Variants in ZNF277 observed in about 807,000 individuals in gnomAD.
The protein encoded by ZNF277 is zinc finger protein 277, also known as nuclear receptor-interacting factor 4.
ZNF277 carries 55 observed loss-of-function variants against 60.7 expected under a neutral mutation model. The ratio of observed to expected loss-of-function variants is 0.91; its 90% CI spans 0.73 to 1.13. The LOEUF (loss-of-function observed/expected upper bound fraction) is 1.13, where lower values mean the gene tolerates loss of function less well. ZNF277 is among the 50% of genes most tolerant of loss of function. The probability of loss-of-function intolerance (pLI) is 0.00; values close to 1 mark genes in which losing one functional copy is unlikely to be tolerated. For synonymous variants in ZNF277, 178 were observed against 179.3 expected (o/e 0.99, Z 0.06); for missense variants, 510 against 523.0 (o/e 0.98, Z 0.24).
chr7:112,299,742 T>TTTG (rs1387294197), intron 4 of ZNF277, among the ~76,000 whole-genome samples: 1 of 152,186 alleles, frequency 6.6e-6, no homozygotes, highest in Non-Finnish European at 1.5e-5. Flanking sequence ...CAGCTCAATA[T>TTTG]TTCAACTCAA....
chr7:112,232,072 T>C (rs927109768), intron 1 of ZNF277, among the ~76,000 whole-genome samples: 1 of 100,408 alleles, frequency 1.0e-5, no homozygotes, highest in Non-Finnish European at 2.4e-5. Context: ...TATATATATA[T>C]ATATATATAT....
chr7:112,316,927 A>T (rs536799644), intron 4 of ZNF277, among the ~76,000 whole-genome samples: 1 of 152,186 alleles, frequency 6.6e-6, no homozygotes, highest in South Asian at 2.1e-4. Flanking sequence ...GATAGACTGG[A>T]TAAAGAAAAT....
chr7:112,252,717 C>G lies in ZNF277; in HGVS notation c.92-34156C>G, dbSNP rs185513048. On this transcript the variant is annotated intron_variant, in intron 1 of 11. Coordinates refer to ENST00000361822, the MANE Select transcript of ZNF277 (RefSeq NM_021994.3). ...TTATCTGAAAAGTAGTAATGAAGTA[C>G]CCTCATCAGATGAAAGTGATTAGAC... Among the ~76,000 whole-genome samples, 522 of 152,230 alleles carry G rather than the reference C, an allele frequency of 3.4e-3. 4 individuals are homozygous for G. The highest frequency in any genetic ancestry group is 0.027 in the Middle Eastern group (8 of 294).
rs1478235702 is a variant in ZNF277, at chr7:112,287,136, TA to T, written c.293+64del. ...GACCATGTGTGGTGGCTCATGTCTG[TA>T]ATCCTAGTACTTTGGGAGGCCAAAG... On this transcript the variant is annotated intron_variant, in intron 2 of 11. Transcript: ENST00000361822. 14 of 1,566,352 alleles carry T rather than the reference TA, an allele frequency of 8.9e-6. No individual in the cohort carries two copies. The Admixed American group carries it at 2.2e-4, about 25-fold the overall frequency.
rs757178774 is a variant in ZNF277, at chr7:112,318,143, G to A, written c.466-39G>A. 36 of 1,525,804 alleles carry A rather than the reference G, an allele frequency of 2.4e-5. 1 individual carries two copies. The South Asian group carries it at 3.8e-4, about 16-fold the overall frequency. 94.5% of individuals were successfully genotyped at this position (1,525,804 alleles called of 1,614,324 possible). Reference sequence around the variant, plus strand: ...TTGACATTTTTTATTAGCCAATTGTGCATTAAGATAATACCATAAATCTGT... The same window carrying A: ...TTGACATTTTTTATTAGCCAATTGTACATTAAGATAATACCATAAATCTGT... On this transcript the variant is annotated intron_variant, in intron 4 of 11. Transcript: ENST00000361822.
intron 4 of ZNF277, among the ~76,000 whole-genome samples, chr7:112,314,586 GA>G (rs1296827170): frequency 1.3e-5 from 2 of 152,068 alleles, no homozygotes; most frequent in Admixed American, 1.3e-4. Flanking sequence ...TTGACCGCAG[GA>G]GTTCAAGGCC....
chr7:112,212,973 A>G (rs1821791424), intron 1 of ZNF277, among the ~76,000 whole-genome samples: 1 of 152,152 alleles, frequency 6.6e-6, no homozygotes, highest in Admixed American at 6.6e-5. Flanking sequence ...GTCAGAGAAG[A>G]TAAGAATTAT....
intron 1 of ZNF277, among the ~76,000 whole-genome samples, chr7:112,260,804 TA>T (rs1356725347): frequency 6.6e-6 from 1 of 152,224 alleles, no homozygotes; most frequent in Admixed American, 6.5e-5. Context: ...TAGTTGGGCC[TA>T]CTCTAGTGTC....
intron 1 of ZNF277, among the ~76,000 whole-genome samples, chr7:112,262,194 G>A (rs569542232): frequency 5.7e-5 from 8 of 140,176 alleles, no homozygotes; most frequent in African/African-American, 1.9e-4. Flanking sequence ...AATAGATTTC[G>A]TCTTTCTTCA....
chr7:112,216,452 G>C (rs1821884882), intron 1 of ZNF277, among the ~76,000 whole-genome samples: 1 of 152,100 alleles, frequency 6.6e-6, no homozygotes, highest in Non-Finnish European at 1.5e-5. Flanking sequence ...TGATACTACA[G>C]GTGTGTGCCA....
intron 1 of ZNF277, among the ~76,000 whole-genome samples, chr7:112,270,760 CT>C (rs1188627873): frequency 6.6e-6 from 1 of 151,984 alleles, no homozygotes; most frequent in African/African-American, 2.4e-5. Context: ...CATTTTTTAA[CT>C]CTTACTCTAC....
intron 5 of ZNF277, among the ~76,000 whole-genome samples, chr7:112,325,941 C>A (rs1262780707): frequency 1.3e-5 from 2 of 152,176 alleles, no homozygotes; most frequent in Admixed American, 1.3e-4. Flanking sequence ...CTGTGGCCTA[C>A]CTGAACAGAG....
At chr7:112,309,639 A>G (rs1336156355) in intron 4 of ZNF277, among the ~76,000 whole-genome samples, 3 of 151,790 alleles carry the variant, frequency 2.0e-5, no homozygotes, top group Non-Finnish European at 4.4e-5. Flanking sequence ...TATACCCACA[A>G]TGACTCTGAC....
chr7:112,233,844 C>A (rs1822409498), intron 1 of ZNF277, among the ~76,000 whole-genome samples: 15 of 151,834 alleles, frequency 9.9e-5, no homozygotes, highest in Admixed American at 9.8e-4. Context: ...TAGTTGTATT[C>A]TTTTCAAAAT....
At chr7:112,243,018 C>T (rs1790995899) in intron 1 of ZNF277, among the ~76,000 whole-genome samples, 1 of 151,904 alleles carries the variant, frequency 6.6e-6, no homozygotes, top group African/African-American at 2.4e-5. Flanking sequence ...GAAATAAAGC[C>T]ACATACCTAC....
At position 112,330,290 on chromosome 7, in the gene ZNF277, A is replaced by G. The variant is rs537013372; in HGVS notation, c.801+74A>G. On this transcript the variant is annotated intron_variant, in intron 7 of 11. Coordinates refer to ENST00000361822, the MANE Select transcript of ZNF277 (RefSeq NM_021994.3). ...AAAATCTTTCTGAGGACCAACTAAT[A>G]TTTGAATAAGCAATTATTGCAAAAG... 7.6e-5 allele frequency: 112 copies of G among 1,466,672 alleles called. No homozygotes were observed. The East Asian group carries it at 1.9e-3, about 25-fold the overall frequency. 90.9% of individuals were successfully genotyped at this position (1,466,672 alleles called of 1,614,324 possible).
At chr7:112,292,698 A>G (rs977791234) in intron 2 of ZNF277, among the ~76,000 whole-genome samples, 5 of 152,198 alleles carry the variant, frequency 3.3e-5, no homozygotes, top group East Asian at 1.9e-4. Flanking sequence ...TCACATCTCA[A>G]TTCTAACATT....
chr7:112,306,198 G>T (rs1411668609), intron 4 of ZNF277, among the ~76,000 whole-genome samples: 3 of 147,622 alleles, frequency 2.0e-5, no homozygotes, highest in African/African-American at 7.4e-5. Context: ...TCTCCTCTGA[G>T]ATTTCTGAAT....
At chr7:112,247,585 A>C (rs1447915061) in intron 1 of ZNF277, among the ~76,000 whole-genome samples, 2 of 152,178 alleles carry the variant, frequency 1.3e-5, no homozygotes. Flanking sequence ...TAAGAGATAC[A>C]TGTTGAATCA....
Sources: gnomAD v4.1 joint callset for allele counts (sites outside exome capture counted in the v4.1 genomes callset) on GRCh38, gnomAD v4.1.1 for gene constraint, MANE v1.5 for transcripts, NCBI Gene and HGNC (gene_info 2026-07-23, HGNC 2026-07-21) for gene names.